Variants in NCOA2 observed in about 807,000 individuals in gnomAD.
The protein encoded by NCOA2 is class E basic helix-loop-helix protein 75.
Under a neutral mutation model 145.1 loss-of-function variants are expected in NCOA2, and 21 were observed. That is an observed-to-expected ratio of 0.14 (90% CI 0.10 to 0.21). NCOA2 has a LOEUF of 0.21. NCOA2 is among the 10% of genes least tolerant of loss of function. The pLI, the probability that NCOA2 is intolerant of heterozygous loss-of-function variation, is 1.00. For synonymous variants in NCOA2, 619 were observed against 637.5 expected (o/e 0.97, Z 0.44); for missense variants, 1,472 against 1,837.6 (o/e 0.80, Z 3.64).
intron 15 of NCOA2, among the ~76,000 whole-genome samples, chr8:70,132,422 T>C (rs774866413): frequency 6.6e-6 from 1 of 152,186 alleles, no homozygotes; most frequent in South Asian, 2.1e-4. Context: ...GATTCTTAGT[T>C]AGAAGCTGTG....
chr8:70,159,242 A>ATATATT lies in NCOA2; in HGVS notation c.1124+262_1124+263insAATATA. Among the ~76,000 whole-genome samples, 11 of 61,080 alleles carry ATATATT rather than the reference A, an allele frequency of 1.8e-4. No individual in the cohort carries two copies. In the South Asian group the frequency reaches 2.2e-3, roughly 12 times the overall value. The allele number at this position is 61,080 out of a possible 152,430, so 40.1% of individuals were successfully genotyped here. A position where few individuals can be genotyped will look rare whatever the true frequency, so the allele number is the denominator to read the frequency against. ...TAACATTATATATATATATATATAT[A>ATATATT]TTTTTTTTTTTTTCCCCCAAATATT... On this transcript the variant is annotated intron_variant, in intron 10 of 22. Coordinates refer to ENST00000452400, the MANE Select transcript of NCOA2 (RefSeq NM_006540.4).
chr8:70,282,686 C>CAAA (rs550448805), intron 2 of NCOA2, among the ~76,000 whole-genome samples: 13,356 of 96,956 alleles, frequency 0.14, 974 homozygotes, highest in East Asian at 0.45. Flanking sequence ...AAAACTGCCT[C>CAAA]AAAAAAAAAA....
At chr8:70,415,905 A>G in the NCOA2 span, among the ~76,000 whole-genome samples, 2 of 152,226 alleles carry the variant, frequency 1.3e-5, no homozygotes, top group Non-Finnish European at 2.9e-5. Flanking sequence ...ATCTTCATAG[A>G]TATTCATAAT....
intron 6 of NCOA2, among the ~76,000 whole-genome samples, 182 bp downstream of exon 6, chr8:70,170,020 C>T (rs1563562176): frequency 6.6e-6 from 1 of 151,924 alleles, no homozygotes; most frequent in East Asian, 1.9e-4. Context: ...CTGAAGATGC[C>T]CCCTTTTCCA....
At chr8:70,369,109 G>C (rs7828650) in intron 1 of NCOA2, among the ~76,000 whole-genome samples, 4,037 of 152,106 alleles carry the variant, frequency 0.027, 167 homozygotes, top group African/African-American at 0.092. Flanking sequence ...TAATAAACTT[G>C]AGCAACATTT....
intron 2 of NCOA2, among the ~76,000 whole-genome samples, chr8:70,281,707 CA>C (rs1314703901): frequency 6.6e-6 from 1 of 152,182 alleles, no homozygotes; most frequent in African/African-American, 2.4e-5. Flanking sequence ...GAACACCATG[CA>C]GCAGTCCGTG....
At chr8:70,334,535 G>A (rs776666072) in intron 1 of NCOA2, among the ~76,000 whole-genome samples, 9 of 152,046 alleles carry the variant, frequency 5.9e-5, no homozygotes, top group African/African-American at 9.7e-5. Flanking sequence ...CATATCACTC[G>A]ACTCTCTGTC....
At chr8:70,397,070 C>T (rs1452313290) in intron 1 of NCOA2, among the ~76,000 whole-genome samples, 1 of 152,128 alleles carries the variant, frequency 6.6e-6, no homozygotes, top group Non-Finnish European at 1.5e-5. Flanking sequence ...AAGCACACAT[C>T]AAAAAAGCCT....
chr8:70,183,039 A>C lies in NCOA2; in HGVS notation c.260-8180T>G, dbSNP rs148100452. On this transcript the variant is annotated intron_variant, in intron 4 of 22. Transcript: ENST00000452400. ...CATCTCTATTTGTATCTTCCACAGC[A>C]ATGGAGTACTGAGAGGTGAAGGCAA... Among the ~76,000 whole-genome samples, 892 of 152,296 alleles carry C rather than the reference A, an allele frequency of 5.9e-3. 5 individuals are homozygous for C. The highest frequency in any genetic ancestry group is 0.02 in the African/African-American group (830 of 41,560).
At chr8:70,374,911 T>A (rs1472956453) in intron 1 of NCOA2, among the ~76,000 whole-genome samples, 2 of 152,180 alleles carry the variant, frequency 1.3e-5, no homozygotes, top group East Asian at 3.9e-4. Context: ...TTATCTATAT[T>A]TTCCAATGTT....
rs114665236 is a variant in NCOA2 at position 70,367,383 on chromosome 8, G to T, written c.-77+36317C>A. Reference sequence around the variant, plus strand: ...TTTCTGAAGCTCTGTGGGAATAATAGTATTAAGTACTACTATTTTTTTCCT... The same window carrying T: ...TTTCTGAAGCTCTGTGGGAATAATATTATTAAGTACTACTATTTTTTTCCT... On this transcript the variant is annotated intron_variant, in intron 1 of 22. Coordinates refer to ENST00000452400, the MANE Select transcript of NCOA2 (RefSeq NM_006540.4). Among the ~76,000 whole-genome samples the T allele has an allele frequency of 3.7e-3, 560 of 152,268 alleles. 5 individuals carry two copies. The highest frequency in any genetic ancestry group is 0.013 in the African/African-American group (524 of 41,538).
At chr8:70,382,203 G>A (rs774242861) in intron 1 of NCOA2, among the ~76,000 whole-genome samples, 1 of 152,128 alleles carries the variant, frequency 6.6e-6, no homozygotes, top group East Asian at 1.9e-4. Context: ...AGGATCAGGA[G>A]AGGAGAGTGC....
intron 1 of NCOA2, among the ~76,000 whole-genome samples, chr8:70,387,216 G>A (rs914998314): frequency 6.6e-6 from 1 of 152,134 alleles, no homozygotes; most frequent in Non-Finnish European, 1.5e-5. Flanking sequence ...TCAGGCTGCA[G>A]TACAGTGGCT....
chr8:70,339,328 C>T (rs542050036), intron 1 of NCOA2, among the ~76,000 whole-genome samples: 3 of 152,082 alleles, frequency 2.0e-5, no homozygotes, highest in Non-Finnish European at 2.9e-5. Flanking sequence ...AACTCCCATT[C>T]GCAATTGCTA....
At chr8:70,382,034 C>A (rs1172817710) in intron 1 of NCOA2, among the ~76,000 whole-genome samples, 1 of 152,136 alleles carries the variant, frequency 6.6e-6, no homozygotes, top group African/African-American at 2.4e-5. Flanking sequence ...AATCCAAATT[C>A]TTTTCACTTT....
Position 70,138,228 on chromosome 8 carries a change from G to C in NCOA2, c.3133C>G (p.Gln1045Glu). The C allele has an allele frequency of 6.2e-7, 1 of 1,613,732 alleles. No individual in the cohort carries two copies. Among genetic ancestry groups the C allele is most frequent in the South Asian group, 1.1e-5 (1 of 91,026 alleles). Reference protein sequence around the residue: ...PWPESILPIDQASFASQNRQP... With the variant: ...PWPESILPIDEASFASQNRQP... ...CTGTTTTGGCTGGCAAAAGACGCCT[G>C]GTCTATAGGCAGGATGCTTTCAGGC... Residue 1045 changes from glutamine to glutamate, a missense_variant, in exon 15 of 23, where the codon CAG (glutamine) becomes GAG (glutamate). Coordinates refer to ENST00000452400, the MANE Select transcript of NCOA2 (RefSeq NM_006540.4).
chr8:70,413,963 C>T, the NCOA2 span, among the ~76,000 whole-genome samples: 2 of 152,096 alleles, frequency 1.3e-5, no homozygotes, highest in African/African-American at 4.8e-5. Flanking sequence ...AGCTCTTAAA[C>T]CGAGTGGTAG....
chr8:70,211,373 C>T (rs569000644), intron 4 of NCOA2, among the ~76,000 whole-genome samples: 52 of 151,834 alleles, frequency 3.4e-4, no homozygotes, highest in Admixed American at 7.9e-4. Context: ...GCAGGAGAAT[C>T]GCTTGAACCC....
At chr8:70,441,471 G>A in the NCOA2 span, among the ~76,000 whole-genome samples, 2 of 143,658 alleles carry the variant, frequency 1.4e-5, no homozygotes, top group South Asian at 4.4e-4. Context: ...GAAAGAGAGA[G>A]GGAGAACAAG....
Sources: gnomAD v4.1 joint callset for allele counts (sites outside exome capture counted in the v4.1 genomes callset) on GRCh38, gnomAD v4.1.1 for gene constraint, MANE v1.5 for transcripts, NCBI Gene and HGNC (gene_info 2026-07-23, HGNC 2026-07-21) for gene names.